Variants in CSMD1 observed in about 807,000 individuals in gnomAD.
The protein encoded by CSMD1 is CUB and sushi domain-containing protein 1.
CSMD1 carries 213 observed loss-of-function variants against 417.5 expected under a neutral mutation model. The ratio of observed to expected loss-of-function variants is 0.51; its 90% CI spans 0.46 to 0.57. CSMD1 has a LOEUF of 0.57. Ranked by LOEUF, CSMD1 falls within the 20% of genes least tolerant of loss-of-function variation. The pLI, the probability that CSMD1 is intolerant of heterozygous loss-of-function variation, is 0.00. For missense variants in CSMD1, 6,923 were observed against 4,529.7 expected (o/e 1.53, Z -15.17); for synonymous variants, 2,862 against 1,736.8 (o/e 1.65, Z -16.11).
intron 2 of CSMD1, among the ~76,000 whole-genome samples, chr8:4,512,647 T>C (rs1802884647): frequency 6.6e-6 from 1 of 152,074 alleles, no homozygotes; most frequent in Non-Finnish European, 1.5e-5. Flanking sequence ...ATACCGGCAA[T>C]GAAATGGAAT....
chr8:4,413,478 T>C (rs1443370164), intron 3 of CSMD1, among the ~76,000 whole-genome samples: 1 of 152,200 alleles, frequency 6.6e-6, no homozygotes, highest in African/African-American at 2.4e-5. Context: ...AGCTGTACTT[T>C]CAGAAGGCAA....
intron 12 of CSMD1, among the ~76,000 whole-genome samples, chr8:3,444,739 A>C (rs1815197115): frequency 6.6e-6 from 1 of 152,222 alleles, no homozygotes; most frequent in South Asian, 2.1e-4. Context: ...ATGTAATGTA[A>C]TAAACTGAAA....
At chr8:3,948,053 A>G (rs778279949) in intron 5 of CSMD1, among the ~76,000 whole-genome samples, 2 of 152,308 alleles carry the variant, frequency 1.3e-5, no homozygotes, top group African/African-American at 4.8e-5. Context: ...TAAAAATATA[A>G]AAATTATCTG....
chr8:3,869,786 G>C (rs561030450), intron 5 of CSMD1, among the ~76,000 whole-genome samples: 2 of 152,186 alleles, frequency 1.3e-5, no homozygotes, highest in South Asian at 2.1e-4. Flanking sequence ...TGTCAGGGAA[G>C]GCAAGATGGG....
chr8:4,287,796 C>G (rs1797144815), intron 3 of CSMD1, among the ~76,000 whole-genome samples: 1 of 151,934 alleles, frequency 6.6e-6, no homozygotes, highest in African/African-American at 2.4e-5. Context: ...CATACTATCT[C>G]TCCTCCAACC....
At chr8:4,333,943 G>C (rs1056642789) in intron 3 of CSMD1, among the ~76,000 whole-genome samples, 1 of 152,010 alleles carries the variant, frequency 6.6e-6, no homozygotes, top group African/African-American at 2.4e-5. Context: ...CCAGACTGGA[G>C]GGCAGTGACA....
intron 5 of CSMD1, among the ~76,000 whole-genome samples, chr8:3,873,345 T>C (rs1448274134): frequency 6.6e-6 from 1 of 152,032 alleles, no homozygotes; most frequent in Non-Finnish European, 1.5e-5. Context: ...AAATGTGATA[T>C]GTATATACCA....
chr8:2,987,656 G>C (rs1230198144), intron 54 of CSMD1, among the ~76,000 whole-genome samples: 1 of 152,156 alleles, frequency 6.6e-6, no homozygotes, highest in East Asian at 1.9e-4. Context: ...CATAAAATCG[G>C]AGGATGAATG....
At chr8:4,414,695 G>A (rs914285000) in intron 3 of CSMD1, among the ~76,000 whole-genome samples, 2 of 152,082 alleles carry the variant, frequency 1.3e-5, no homozygotes, top group Admixed American at 6.6e-5. Context: ...TTTTCTTTCA[G>A]GTTTTGAGGA....
Position 3,017,888 on chromosome 8 carries a change from A to G in CSMD1, c.8029+589T>C, listed in dbSNP as rs139478997. Among the ~76,000 whole-genome samples the G allele has an allele frequency of 3.9e-4, 59 of 151,796 alleles. No homozygotes were observed. The East Asian group carries it at 8.7e-3, about 22-fold the overall frequency. ...GAACCAAAGGCAAGTAAGGTATTTT[A>G]CAAATCACCAGCAGACCTACTAAGA... On this transcript the variant is annotated intron_variant, in intron 52 of 69. Transcript: ENST00000635120.
chr8:3,985,621 T>A (rs143168133), intron 5 of CSMD1, among the ~76,000 whole-genome samples: 158 of 152,298 alleles, frequency 1.0e-3, no homozygotes, highest in African/African-American at 3.6e-3. Context: ...AGGAAGATCC[T>A]TGCACGGCAG....
intron 39 of CSMD1, among the ~76,000 whole-genome samples, chr8:3,155,837 G>A (rs553329866): frequency 2.0e-5 from 3 of 152,272 alleles, no homozygotes; most frequent in South Asian, 2.1e-4. Flanking sequence ...ATAAACAGAC[G>A]TTCTCTCCTG....
chr8:3,788,386 T>G lies in CSMD1; in HGVS notation c.819-34344A>C, dbSNP rs539261106. 2.9e-3 allele frequency among the ~76,000 whole-genome samples: 435 copies of G among 152,222 alleles called. 2 individuals carry two copies. Among genetic ancestry groups the G allele is most frequent in the African/African-American group, 0.01 (424 of 41,546 alleles). On this transcript the variant is annotated intron_variant, in intron 5 of 69. Coordinates refer to ENST00000635120, the MANE Select transcript of CSMD1 (RefSeq NM_033225.6). Reference sequence around the variant, plus strand: ...CTCCCTGTGCCCACAGCAGCCTTCATTGGTCACAGAAGACCCAAGTGAGGC... The same window carrying G: ...CTCCCTGTGCCCACAGCAGCCTTCAGTGGTCACAGAAGACCCAAGTGAGGC...
At chr8:4,903,902 T>C (rs570254641) in intron 1 of CSMD1, among the ~76,000 whole-genome samples, 31 of 152,376 alleles carry the variant, frequency 2.0e-4, no homozygotes, top group African/African-American at 7.5e-4. Flanking sequence ...AATGCATTTA[T>C]TGACATTGAA....
chr8:3,314,077 A>T (rs190391532), intron 23 of CSMD1, among the ~76,000 whole-genome samples: 2,238 of 151,576 alleles, frequency 0.015, 58 homozygotes, highest in African/African-American at 0.051. Flanking sequence ...CAATGAGAAC[A>T]CATGGACACA....
chr8:4,867,495 T>C (rs1802484546), intron 1 of CSMD1, among the ~76,000 whole-genome samples: 1 of 152,138 alleles, frequency 6.6e-6, no homozygotes, highest in Non-Finnish European at 1.5e-5. Flanking sequence ...ACACTCTTCC[T>C]ATCCCAGCCA....
At chr8:3,503,673 C>A (rs969494150) in intron 10 of CSMD1, among the ~76,000 whole-genome samples, 3 of 152,212 alleles carry the variant, frequency 2.0e-5, no homozygotes, top group South Asian at 2.1e-4. Context: ...TTAGTCTCAG[C>A]TCAAGACAGC....
At chr8:3,965,499 TG>T (rs1226820294) in intron 5 of CSMD1, among the ~76,000 whole-genome samples, 2 of 152,170 alleles carry the variant, frequency 1.3e-5, no homozygotes, top group Admixed American at 1.3e-4. Flanking sequence ...AAAGTAAAGT[TG>T]AAAAACTATG....
chr8:4,281,888 C>G (rs1483668945), intron 3 of CSMD1, among the ~76,000 whole-genome samples: 2 of 152,122 alleles, frequency 1.3e-5, no homozygotes, highest in African/African-American at 4.8e-5. Flanking sequence ...AATGACAAGG[C>G]AAAGGCTTAT....
Sources: allele counts gnomAD v4.1 joint callset (sites outside exome capture counted in the v4.1 genomes callset), GRCh38; gene constraint gnomAD v4.1.1; transcripts MANE v1.5; gene names NCBI Gene and HGNC (gene_info 2026-07-23, HGNC 2026-07-21).